Variants in CCNY observed in about 807,000 individuals in gnomAD.
The protein encoded by CCNY is cyclin-Y.
CCNY carries 19 observed loss-of-function variants against 42.8 expected under a neutral mutation model. The ratio of observed to expected loss-of-function variants is 0.44; its 90% CI spans 0.31 to 0.65. The LOEUF is 0.65. Ranked by LOEUF, CCNY falls within the 30% of genes least tolerant of loss-of-function variation. The pLI, the probability that CCNY is intolerant of heterozygous loss-of-function variation, is 0.07. For missense variants in CCNY, 370 were observed against 437.3 expected (o/e 0.85, Z 1.37); for synonymous variants, 165 against 162.7 (o/e 1.01, Z -0.11).
chr10:35,248,489 C>CA (rs1038359646), intron 2 of CCNY, among the ~76,000 whole-genome samples: 66 of 151,756 alleles, frequency 4.3e-4, no homozygotes, highest in African/African-American at 1.3e-3. Flanking sequence ...ACAAAAAATA[C>CA]AAAAAAATTA....
At chr10:35,348,454 C>T (rs1020410409) in intron 1 of CCNY, among the ~76,000 whole-genome samples, 2 of 152,218 alleles carry the variant, frequency 1.3e-5, no homozygotes, top group East Asian at 3.8e-4. Context: ...TCTTAAGCAC[C>T]GTGTGTGCTC....
intron 1 of CCNY, among the ~76,000 whole-genome samples, chr10:35,465,938 A>AGAGAGAGAGAGAGAGCGTGT: frequency 1.2e-5 from 1 of 80,960 alleles, no homozygotes; most frequent in Non-Finnish European, 2.6e-5. Context: ...AGAGAGAGAG[A>AGAGAGAGAGAGAGAGCGTGT]GTGTGTGTGT....
At chr10:35,489,644 A>G (rs959788595) in intron 2 of CCNY, among the ~76,000 whole-genome samples, 2 of 152,318 alleles carry the variant, frequency 1.3e-5, no homozygotes, top group South Asian at 2.1e-4. Context: ...TTATAGTCAT[A>G]TCATTGAATT....
At chr10:35,301,496 C>T (rs1475778571) in intron 3 of CCNY, among the ~76,000 whole-genome samples, 1 of 152,178 alleles carries the variant, frequency 6.6e-6, no homozygotes, top group Non-Finnish European at 1.5e-5. Flanking sequence ...AATCAATTTG[C>T]AGATGTTCTT....
At chr10:35,523,435 G>A (rs140408100) in intron 4 of CCNY, among the ~76,000 whole-genome samples, 2 of 152,328 alleles carry the variant, frequency 1.3e-5, no homozygotes, top group East Asian at 3.9e-4. Flanking sequence ...GTTGTCAGCT[G>A]ATGGCCTCTT....
chr10:35,378,724 G>A (rs368611379), intron 1 of CCNY, among the ~76,000 whole-genome samples: 10 of 152,210 alleles, frequency 6.6e-5, no homozygotes, highest in African/African-American at 2.4e-4. Flanking sequence ...TGCCCCGTTC[G>A]ATCCTTACCA....
rs372918236 is a variant in CCNY, at chr10:35,257,090, TC to T, written c.-9+6466del. Among the ~76,000 whole-genome samples, 957 of 152,288 alleles carry T rather than the reference TC, an allele frequency of 6.3e-3. 12 individuals carry two copies. Among genetic ancestry groups the T allele is most frequent in the African/African-American group, 0.022 (901 of 41,564 alleles). ...TTACCTTTATTGAAATCTTTGTTTCTCCATATGGCTTCCAGTTACTGCCTAA... is the reference window on the plus strand; with the variant it reads ...TTACCTTTATTGAAATCTTTGTTTCTCATATGGCTTCCAGTTACTGCCTAA... On this transcript the variant is annotated intron_variant, in intron 3 of 11. Transcript: ENST00000374706.
chr10:35,449,710 A>AT, intron 1 of CCNY: 1 of 980,808 alleles, frequency 1.0e-6, no homozygotes, highest in African/African-American at 1.7e-5. Context: ...TAGGGACCAC[A>AT]GGTCAGAGAG....
At chr10:35,388,370 T>C (rs1261823212) in intron 1 of CCNY, among the ~76,000 whole-genome samples, 1 of 152,234 alleles carries the variant, frequency 6.6e-6, no homozygotes, top group East Asian at 1.9e-4. Flanking sequence ...CTGCAGTTTC[T>C]GTATGAATAG....
At chr10:35,371,766 A>C (rs1836942335) in intron 1 of CCNY, among the ~76,000 whole-genome samples, 1 of 152,164 alleles carries the variant, frequency 6.6e-6, no homozygotes, top group African/African-American at 2.4e-5. Flanking sequence ...AAAACCAAGA[A>C]GGGTGGTCAG....
At position 35,569,438 on chromosome 10, in the gene CCNY, G is replaced by A. The variant is rs1463435352; in HGVS notation, c.*268G>A. 4.1e-6 allele frequency: 2 copies of A among 490,136 alleles called. No homozygotes were observed. The highest frequency in any genetic ancestry group is 1.9e-5 in the African/African-American group (1 of 51,534). 30.4% of individuals were successfully genotyped at this position (490,136 alleles called of 1,614,324 possible). On this transcript the variant is annotated 3_prime_UTR_variant, in exon 10 of 10. Coordinates refer to ENST00000374704, the MANE Select transcript of CCNY (RefSeq NM_145012.6). Reference sequence around the variant, plus strand: ...CGAATCCTGGAGGAGGAAATAAAGGGAAAGGGAAGTCGTGGAGAGGCAGGG... The same window carrying A: ...CGAATCCTGGAGGAGGAAATAAAGGAAAAGGGAAGTCGTGGAGAGGCAGGG...
intron 7 of CCNY, among the ~76,000 whole-genome samples, chr10:35,541,586 G>A (rs1050346071): frequency 1.3e-5 from 2 of 152,134 alleles, no homozygotes; most frequent in Non-Finnish European, 2.9e-5. Context: ...ATTTTGTAGA[G>A]ACTGGGTCTT....
rs1276347814 is a variant in CCNY at position 35,253,981 on chromosome 10, T to C, written c.-9+3355T>C. On this transcript the variant is annotated intron_variant, in intron 3 of 11. Coordinates refer to the CCNY transcript ENST00000374706. ...ACCTCTGCCTCCCGGGTTCACGCCA[T>C]TCTCCTGCCTCAGCCTCCTGAGTAG... Among the ~76,000 whole-genome samples the C allele has an allele frequency of 2.0e-5, 3 of 150,772 alleles. No homozygotes were observed. The South Asian group carries it at 6.4e-4, about 32-fold the overall frequency.
chr10:35,478,926 G>A (rs527755689), intron 1 of CCNY, among the ~76,000 whole-genome samples: 15 of 152,024 alleles, frequency 9.9e-5, no homozygotes, highest in Admixed American at 3.3e-4. Context: ...AAAAACAACC[G>A]CATCAAAAAG....
intron 1 of CCNY, among the ~76,000 whole-genome samples, chr10:35,392,849 C>T (rs1375667156): frequency 6.6e-6 from 1 of 152,182 alleles, no homozygotes; most frequent in African/African-American, 2.4e-5. Context: ...ATGACCATCT[C>T]CTTGACCAGA....
chr10:35,545,816 A>G (rs1290780620), intron 7 of CCNY, among the ~76,000 whole-genome samples: 2 of 152,340 alleles, frequency 1.3e-5, no homozygotes, highest in South Asian at 4.1e-4. Flanking sequence ...CTATATTAAT[A>G]ATATAAATGT....
At chr10:35,449,674 G>C (rs1838873164) in intron 1 of CCNY, 1 of 814,024 alleles carries the variant, frequency 1.2e-6, no homozygotes, top group Non-Finnish European at 1.5e-6. Context: ...CCGAGTAGGG[G>C]GGCCGGCCCC....
At chr10:35,518,284 G>A (rs1437927091) in intron 4 of CCNY, among the ~76,000 whole-genome samples, 2 of 152,206 alleles carry the variant, frequency 1.3e-5, no homozygotes, top group Non-Finnish European at 2.9e-5. Flanking sequence ...ACTGTTTCTG[G>A]CCCTGGCTGC....
chr10:35,338,205 T>A (rs1328817530), intron 1 of CCNY, among the ~76,000 whole-genome samples: 1 of 152,198 alleles, frequency 6.6e-6, no homozygotes, highest in Non-Finnish European at 1.5e-5. Context: ...ACTTCATAAT[T>A]CGTTCCTGTC....
Sources: gnomAD v4.1 joint callset for allele counts (sites outside exome capture counted in the v4.1 genomes callset) on GRCh38, gnomAD v4.1.1 for gene constraint, MANE v1.5 for transcripts, NCBI Gene and HGNC (gene_info 2026-07-23, HGNC 2026-07-21) for gene names.